The following LRFN2 variants were observed in gnomAD, a reference collection of about 807,000 sequenced individuals.
LRFN2 encodes leucine rich repeat and fibronectin type III domain containing 2, also known as leucine-rich repeat and fibronectin type-III domain-containing protein 2.
Under a neutral mutation model 37.3 loss-of-function variants are expected in LRFN2, and 18 were observed. That is an observed-to-expected ratio of 0.48 (90% CI 0.33 to 0.72). The LOEUF (loss-of-function observed/expected upper bound fraction) is 0.72, where lower values mean the gene tolerates loss of function less well. Among genes scored for constraint, LRFN2 ranks in the 30% least tolerant of loss-of-function variants. LRFN2 has a pLI of 0.02. For missense variants in LRFN2, 1,006 were observed against 1,060.7 expected (o/e 0.95, Z 0.72); for synonymous variants, 556 against 466.6 (o/e 1.19, Z -2.47).
chr6:40,400,373 T>C (rs1250152396), intron 2 of LRFN2, among the ~76,000 whole-genome samples: 1 of 151,444 alleles, frequency 6.6e-6, no homozygotes, highest in African/African-American at 2.4e-5. Context: ...ATGGTGACTC[T>C]CAGACACTGG....
chr6:40,414,386 C>T (rs1581687044), intron 2 of LRFN2, among the ~76,000 whole-genome samples: 1 of 152,102 alleles, frequency 6.6e-6, no homozygotes, highest in Admixed American at 6.5e-5. Context: ...CAGTTCCCCC[C>T]TCCTCCCCGC....
At chr6:40,443,270 C>T (rs779375193) in intron 1 of LRFN2, among the ~76,000 whole-genome samples, 2 of 152,184 alleles carry the variant, frequency 1.3e-5, no homozygotes, top group Admixed American at 6.5e-5. Flanking sequence ...GCTGTGACTA[C>T]CTTTACTGTT....
At position 40,392,486 on chromosome 6, in the gene LRFN2, C is replaced by G. The variant is rs1479243776; in HGVS notation, c.1827G>C (p.Leu609=). 1.9e-6 allele frequency: 3 copies of G among 1,575,360 alleles called. No individual in the cohort carries two copies. Among genetic ancestry groups the G allele is most frequent in the Non-Finnish European group, 2.6e-6 (3 of 1,161,470 alleles). The change falls in exon 3 of 3, where the codon CTG becomes CTC. Residue 609 remains leucine, a synonymous_variant. Transcript: ENST00000338305. The surrounding 1 kb of genome is among the most constrained non-coding windows in gnomAD (Gnocchi z 4.7). The part of the protein sequence containing the change: ...PPKVVVRNEL[L]DFTASLARAS... ...CGCGGGCCAGGCTGGCGGTGAAGTCCAGGAGCTCGTTGCGCACCACCACCT... is the reference window on the plus strand; with the variant it reads ...CGCGGGCCAGGCTGGCGGTGAAGTCGAGGAGCTCGTTGCGCACCACCACCT...
chr6:40,394,571 G>A (rs569079577), intron 2 of LRFN2, among the ~76,000 whole-genome samples: 2 of 152,170 alleles, frequency 1.3e-5, no homozygotes, highest in Non-Finnish European at 2.9e-5. Flanking sequence ...CCCAGTGGCT[G>A]CTGCCTCCCT....
intron 1 of LRFN2, among the ~76,000 whole-genome samples, chr6:40,469,348 A>C (rs1031998342): frequency 3.3e-5 from 5 of 151,976 alleles, no homozygotes; most frequent in Admixed American, 2.6e-4. Flanking sequence ...CCATCCAGCC[A>C]TCCGGTTTGT....
At chr6:40,583,202 A>ACTATATACATATGTAG (rs1561916231) in intron 1 of LRFN2, among the ~76,000 whole-genome samples, 508 of 144,752 alleles carry the variant, frequency 3.5e-3, no homozygotes, top group African/African-American at 0.013. Context: ...ATATATAGAC[A>ACTATATACATATGTAG]TATATATACA....
In LRFN2 at chr6:40,521,816, G is replaced by T. The variant is rs550710090; in HGVS notation, c.-19+65125C>A. Among the ~76,000 whole-genome samples the T allele has an allele frequency of 6.6e-5, 10 of 152,350 alleles. No homozygotes were observed. In the South Asian group the frequency reaches 2.1e-3, roughly 32 times the overall value. On this transcript the variant is annotated intron_variant, in intron 1 of 2. Coordinates refer to ENST00000338305, the MANE Select transcript of LRFN2 (RefSeq NM_020737.3). ...CGATGAAAAGGGAGGGGTGGGAGAA[G>T]CTGAACACAGACCACAGGGGGAGCT... is the stretch of plus-strand genomic sequence containing the variant.
At chr6:40,523,513 T>G (rs1252651057) in intron 1 of LRFN2, among the ~76,000 whole-genome samples, 1 of 17,684 alleles carries the variant, frequency 5.7e-5, no homozygotes, top group Non-Finnish European at 9.9e-5. Flanking sequence ...TGATTTTTTT[T>G]TTTTTTTTTT....
At chr6:40,417,043 C>T (rs1439132209) in intron 2 of LRFN2, among the ~76,000 whole-genome samples, 1 of 152,198 alleles carries the variant, frequency 6.6e-6, no homozygotes, top group Non-Finnish European at 1.5e-5. Flanking sequence ...AGGACAGAAG[C>T]TTCCTTCCAG....
At chr6:40,514,536 A>G (rs1002638332) in intron 1 of LRFN2, among the ~76,000 whole-genome samples, 1 of 151,992 alleles carries the variant, frequency 6.6e-6, no homozygotes, top group East Asian at 1.9e-4. Flanking sequence ...GCTGATCTTG[A>G]ACTCCTGACC....
chr6:40,536,058 G>A (rs1353185364), intron 1 of LRFN2, among the ~76,000 whole-genome samples: 1 of 152,102 alleles, frequency 6.6e-6, no homozygotes, highest in East Asian at 1.9e-4. Flanking sequence ...ATGGTCAATG[G>A]CCAGCTGCAT....
chr6:40,490,424 A>G (rs916177221), intron 1 of LRFN2, among the ~76,000 whole-genome samples: 3 of 152,170 alleles, frequency 2.0e-5, no homozygotes, highest in Non-Finnish European at 2.9e-5. Context: ...GCTCAGGCTC[A>G]GGGCTCACCA....
chr6:40,416,585 G>C (rs1412645287), intron 2 of LRFN2, among the ~76,000 whole-genome samples: 2 of 152,176 alleles, frequency 1.3e-5, no homozygotes, highest in African/African-American at 4.8e-5. Flanking sequence ...AAGTCCAAGA[G>C]AGTTGCAATA....
intron 1 of LRFN2, among the ~76,000 whole-genome samples, chr6:40,540,806 A>AG (rs902642025): frequency 2.0e-5 from 3 of 152,198 alleles, no homozygotes; most frequent in African/African-American, 7.2e-5. Context: ...CAAGGAGCAC[A>AG]GCAGAGGTCT....
At chr6:40,525,626 A>G (rs975766491) in intron 1 of LRFN2, among the ~76,000 whole-genome samples, 4 of 152,194 alleles carry the variant, frequency 2.6e-5, no homozygotes, top group Non-Finnish European at 5.9e-5. Context: ...GAGAACTGAG[A>G]TTTACACATG....
chr6:40,540,598 G>T (rs2113915697), intron 1 of LRFN2, among the ~76,000 whole-genome samples: 1 of 152,320 alleles, frequency 6.6e-6, no homozygotes, highest in Non-Finnish European at 1.5e-5. Flanking sequence ...GGAAGATCTT[G>T]CCCTGAGGGG....
At chr6:40,492,836 A>G (rs78046864) in intron 1 of LRFN2, among the ~76,000 whole-genome samples, 1 of 151,950 alleles carries the variant, frequency 6.6e-6, no homozygotes, top group Non-Finnish European at 1.5e-5. Context: ...TCACAGGAAC[A>G]CCCCTCCCAA....
intron 1 of LRFN2, among the ~76,000 whole-genome samples, chr6:40,570,571 G>A (rs1477752829): frequency 1.3e-5 from 2 of 152,166 alleles, no homozygotes; most frequent in Non-Finnish European, 2.9e-5. Context: ...TTCACAGGCT[G>A]CAAGAGAGAA....
intron 1 of LRFN2, among the ~76,000 whole-genome samples, chr6:40,510,848 T>C (rs998051907): frequency 2.0e-5 from 3 of 152,064 alleles, no homozygotes; most frequent in Admixed American, 6.6e-5. Flanking sequence ...TATAGAAGCA[T>C]TGGGAAGACG....
Sources: gnomAD v4.1 joint callset for allele counts (sites outside exome capture counted in the v4.1 genomes callset) on GRCh38, gnomAD v4.1.1 for gene constraint, Gnocchi (gnomAD v3.1) non-coding constraint, MANE v1.5 for transcripts, NCBI Gene and HGNC (gene_info 2026-07-23, HGNC 2026-07-21) for gene names.